Variants in FAM234B observed in about 807,000 individuals in gnomAD.
FAM234B encodes family with sequence similarity 234 member B.
FAM234B carries 33 observed loss-of-function variants against 69.3 expected under a neutral mutation model. The ratio of observed to expected loss-of-function variants is 0.48; its 90% confidence interval spans 0.36 to 0.64. FAM234B has a LOEUF of 0.64. Among genes scored for constraint, FAM234B ranks in the 30% least tolerant of loss-of-function variants. The pLI is 0.00. For synonymous variants in FAM234B, 306 were observed against 306.9 expected (o/e 1.00, Z 0.03); for missense variants, 697 against 769.7 (o/e 0.91, Z 1.12).
chr12:13,080,150 G>C (rs1865208679), intron 12 of FAM234B, 141 bp downstream of exon 12: 1 of 616,678 alleles, frequency 1.6e-6, no homozygotes, highest in East Asian at 2.9e-5. Context: ...GACCAACACT[G>C]TTTCCTATGG....
rs1865249648 is a variant in FAM234B at position 13,082,634 on chromosome 12, A to T, written c.*2004A>T. The T allele has an allele frequency of 6.6e-6, 1 of 152,214 alleles. No homozygotes were observed. Among genetic ancestry groups the T allele is most frequent in the African/African-American group, 2.4e-5 (1 of 41,442 alleles). The allele number at this position is 152,214 out of a possible 1,614,324, so 9.4% of individuals were successfully genotyped here. On this transcript the variant is annotated 3_prime_UTR_variant, in exon 13 of 13. Coordinates refer to ENST00000197268, the MANE Select transcript of FAM234B (RefSeq NM_020853.2). Reference sequence around the variant, plus strand: ...CTAATTTGGTTTAGTATAGAATTTGAAGAATTAATTTATAGGCAGCTGAAT... The same window carrying T: ...CTAATTTGGTTTAGTATAGAATTTGTAGAATTAATTTATAGGCAGCTGAAT...
intron 1 of FAM234B, among the ~76,000 whole-genome samples, chr12:13,052,642 C>T (rs1040254517): frequency 6.6e-6 from 1 of 152,176 alleles, no homozygotes; most frequent in African/African-American, 2.4e-5. Flanking sequence ...CTTTCTGTTT[C>T]TGTGAGTGTG....
chr12:13,070,203 A>G lies in FAM234B; in HGVS notation c.1369-1038A>G, dbSNP rs929694111. Among the ~76,000 whole-genome samples, 4 of 136,922 alleles carry G rather than the reference A, an allele frequency of 2.9e-5. No homozygotes were observed. In the Admixed American group the frequency reaches 3.0e-4, roughly 10 times the overall value. The allele number at this position is 136,922 out of a possible 152,430, so 89.8% of individuals were successfully genotyped here. A position where few individuals can be genotyped will look rare whatever the true frequency, so the allele number is the denominator to read the frequency against. On this transcript the variant is annotated intron_variant, in intron 9 of 12. Coordinates refer to ENST00000197268, the MANE Select transcript of FAM234B (RefSeq NM_020853.2). ...TATATATATATATATATATATATAT[A>G]TATATATAAAATGAAATATGTGTTT...
intron 3 of FAM234B, among the ~76,000 whole-genome samples, chr12:13,061,195 G>A (rs1016850436): frequency 6.6e-6 from 1 of 152,140 alleles, no homozygotes; most frequent in Admixed American, 6.5e-5. Context: ...TTTTGCTCCT[G>A]TCTCTTATTA....
chr12:13,051,455 A>G (rs1447380939), intron 1 of FAM234B, among the ~76,000 whole-genome samples: 1 of 152,224 alleles, frequency 6.6e-6, no homozygotes, highest in African/African-American at 2.4e-5. Flanking sequence ...CCAATTGCAC[A>G]ATTATAGGGT....
chr12:13,057,570 C>A (rs1212798504), intron 2 of FAM234B, among the ~76,000 whole-genome samples: 3 of 152,144 alleles, frequency 2.0e-5, no homozygotes, highest in African/African-American at 7.2e-5. Flanking sequence ...ATTGCTGGAT[C>A]ATACCATAGG....
chr12:13,057,718 G>T (rs1318232307), intron 2 of FAM234B, among the ~76,000 whole-genome samples: 1 of 152,328 alleles, frequency 6.6e-6, no homozygotes, highest in South Asian at 2.1e-4. Flanking sequence ...TTTGGGTGGT[G>T]GGGGGATGGA....
intron 10 of FAM234B, among the ~76,000 whole-genome samples, chr12:13,073,254 C>T (rs1591602065): frequency 6.6e-6 from 1 of 151,934 alleles, no homozygotes; most frequent in Non-Finnish European, 1.5e-5. Context: ...CTCTGCTTCC[C>T]TAAGAGCTGG....
intron 10 of FAM234B, 67 bp from the exon 11 acceptor site, chr12:13,075,959 C>T (rs1035191250): frequency 2.7e-6 from 3 of 1,128,708 alleles, no homozygotes; most frequent in African/African-American, 1.5e-5. Flanking sequence ...TGCCTTTTCA[C>T]CTGAGGACTG....
At chr12:13,050,607 A>G (rs1030015722) in intron 1 of FAM234B, among the ~76,000 whole-genome samples, 51 of 152,272 alleles carry the variant, frequency 3.3e-4, no homozygotes, top group African/African-American at 1.1e-3. Context: ...TAGAACAACA[A>G]ATGGACTCTG....
chr12:13,066,887 G>T, intron 6 of FAM234B, 100 bp downstream of exon 6: 1 of 1,344,992 alleles, frequency 7.4e-7, no homozygotes, highest in South Asian at 1.4e-5. Flanking sequence ...CCTGACACCA[G>T]CCTTCCCATA....
intron 6 of FAM234B, 55 bp downstream of exon 6, chr12:13,066,842 C>G: frequency 6.4e-7 from 1 of 1,568,720 alleles, no homozygotes; most frequent in Non-Finnish European, 8.7e-7. Flanking sequence ...TGTGATGAGG[C>G]CTTCCTTGTG....
intron 1 of FAM234B, among the ~76,000 whole-genome samples, chr12:13,045,811 T>G (rs954357699): frequency 3.3e-5 from 5 of 151,430 alleles, no homozygotes; most frequent in Non-Finnish European, 7.4e-5. Flanking sequence ...TAATAAGATG[T>G]CAGACATTTA....
intron 1 of FAM234B, among the ~76,000 whole-genome samples, chr12:13,048,753 A>G (rs117564993): frequency 0.026 from 3,996 of 152,334 alleles, 90 homozygotes; most frequent in Middle Eastern, 0.054. Flanking sequence ...CACTGCTGAT[A>G]AAGACATACT....
At chr12:13,072,841 C>A (rs1045383008) in intron 10 of FAM234B, among the ~76,000 whole-genome samples, 3 of 152,068 alleles carry the variant, frequency 2.0e-5, no homozygotes, top group South Asian at 2.1e-4. Context: ...AACTGAGGGT[C>A]CTGGGCGTTT....
At chr12:13,049,423 G>A (rs868303472) in intron 1 of FAM234B, among the ~76,000 whole-genome samples, 11 of 152,306 alleles carry the variant, frequency 7.2e-5, no homozygotes, top group Non-Finnish European at 7.4e-5. Context: ...CAAGTGATCT[G>A]CTCGCCTTGG....
At chr12:13,064,944 G>A (rs1323525600) in intron 5 of FAM234B, among the ~76,000 whole-genome samples, 1 of 152,174 alleles carries the variant, frequency 6.6e-6, no homozygotes, top group Admixed American at 6.5e-5. Context: ...ATAAGGTCTA[G>A]AACATTAGTG....
At position 13,061,562 on chromosome 12, in the gene FAM234B, T is replaced by C. The variant is rs1044069121; in HGVS notation, c.533-13T>C. 7.1e-5 allele frequency: 114 copies of C among 1,603,044 alleles called. No individual in the cohort carries two copies. The highest frequency in any genetic ancestry group is 8.4e-5 in the Non-Finnish European group (99 of 1,173,004). On this transcript the variant is annotated splice_polypyrimidine_tract_variant and intron_variant, in intron 3 of 12. Coordinates refer to ENST00000197268, the MANE Select transcript of FAM234B (RefSeq NM_020853.2). ...CCTGCTTTCCTTTTTTTATCTCTCTTGTGTGCTTTTAGGTGTCTCAAGACC... is the reference window on the plus strand; with the variant it reads ...CCTGCTTTCCTTTTTTTATCTCTCTCGTGTGCTTTTAGGTGTCTCAAGACC...
At chr12:13,056,750 A>C (rs1174495388) in intron 2 of FAM234B, among the ~76,000 whole-genome samples, 2 of 152,176 alleles carry the variant, frequency 1.3e-5, no homozygotes, top group African/African-American at 4.8e-5. Flanking sequence ...TCTACCACCC[A>C]GCTTTAGAAA....
Sources: allele counts gnomAD v4.1 joint callset (sites outside exome capture counted in the v4.1 genomes callset), GRCh38; gene constraint gnomAD v4.1.1; transcripts MANE v1.5; gene names NCBI Gene and HGNC (gene_info 2026-07-23, HGNC 2026-07-21).